The following PRH1 variants were observed in gnomAD, a reference collection of about 807,000 sequenced individuals.
PRH1 encodes the protein proline rich protein HaeIII subfamily 1, also known as salivary acidic proline-rich phosphoprotein 1/2.
A neutral mutation model predicts 7.9 loss-of-function variants in PRH1; 7 were observed. The ratio of observed to expected loss-of-function variants is 0.89; its 90% CI spans 0.50 to 1.67. The LOEUF is 1.67. Among genes scored for constraint, PRH1 ranks in the 40% most tolerant of loss-of-function variants. The probability of loss-of-function intolerance (pLI) is 0.00; values close to 1 mark genes in which losing one functional copy is unlikely to be tolerated. For synonymous variants in PRH1, 45 were observed against 80.8 expected, an observed-to-expected ratio of 0.56 and a Z score of 2.38; for missense variants, 109 against 223.6, an observed-to-expected ratio of 0.49 and a Z score of 3.27.
chr12:11,088,006 T>C (rs1271823491), intron 1 of PRH1, among the ~76,000 whole-genome samples: 1 of 122,308 alleles, frequency 8.2e-6, no homozygotes, highest in African/African-American at 2.8e-5. Flanking sequence ...GTTCTCAGTT[T>C]AATTTACATT....
At chr12:10,963,060 G>A (rs898210601) in intron 2 of PRH1, among the ~76,000 whole-genome samples, 5 of 152,134 alleles carry the variant, frequency 3.3e-5, no homozygotes, top group Admixed American at 1.3e-4. Context: ...GTGAGCCACC[G>A]ACCCCGACCA....
chr12:11,062,550 G>T (rs1943658676), intron 1 of PRH1, among the ~76,000 whole-genome samples: 2 of 152,084 alleles, frequency 1.3e-5, no homozygotes, highest in Non-Finnish European at 2.9e-5. Flanking sequence ...TTCACTGTCT[G>T]TCCTTGTTAT....
chr12:10,931,970 C>T (rs570744298), intron 2 of PRH1, among the ~76,000 whole-genome samples: 7 of 152,316 alleles, frequency 4.6e-5, no homozygotes, highest in Admixed American at 1.3e-4. Flanking sequence ...TAACCCTTAA[C>T]GTATCCAACA....
At chr12:11,111,236 C>T (rs1469961986) in intron 1 of PRH1, among the ~76,000 whole-genome samples, 1 of 152,144 alleles carries the variant, frequency 6.6e-6, no homozygotes, top group Non-Finnish European at 1.5e-5. Context: ...CAATATTAGA[C>T]AGATCAATGA....
At chr12:10,998,453 G>A (rs1374414943) in intron 1 of PRH1, among the ~76,000 whole-genome samples, 1 of 151,994 alleles carries the variant, frequency 6.6e-6, no homozygotes, top group Non-Finnish European at 1.5e-5. Flanking sequence ...GGAAACCACA[G>A]GAAAGCCAAT....
intron 1 of PRH1, among the ~76,000 whole-genome samples, chr12:10,995,182 T>C (rs749831983): frequency 4.9e-4 from 74 of 152,224 alleles, no homozygotes; most frequent in Non-Finnish European, 7.8e-4. Context: ...TAGTTCATAT[T>C]CATTCATTCA....
chr12:10,881,230 G>A (rs1173442909), intron 3 of PRH1, among the ~76,000 whole-genome samples, 174 bp from the exon 4 acceptor site: 3 of 152,130 alleles, frequency 2.0e-5, no homozygotes, highest in Non-Finnish European at 4.4e-5. Flanking sequence ...CACTCTTTAA[G>A]CCATTGCACA....
At chr12:11,105,143 A>G (rs761777611) in intron 1 of PRH1, among the ~76,000 whole-genome samples, 2 of 152,104 alleles carry the variant, frequency 1.3e-5, no homozygotes, top group Non-Finnish European at 2.9e-5. Flanking sequence ...ATTAGTTAAC[A>G]GCATACAGTA....
At chr12:10,917,739 T>C (rs1382287055) in intron 2 of PRH1, among the ~76,000 whole-genome samples, 5 of 152,358 alleles carry the variant, frequency 3.3e-5, no homozygotes, top group African/African-American at 1.2e-4. Context: ...AGGACATTTC[T>C]GAATTCAGTA....
At chr12:11,171,565 G>A (rs1239652076), upstream of PRH1, 4 of 1,231,952 alleles carry the variant, frequency 3.2e-6, no homozygotes, top group Non-Finnish European at 4.0e-6. Context: ...CATATTTAGA[G>A]CCATGACTAA....
chr12:11,038,542 C>A (rs1180532634), intron 1 of PRH1, among the ~76,000 whole-genome samples: 1 of 152,156 alleles, frequency 6.6e-6, no homozygotes, highest in African/African-American at 2.4e-5. Flanking sequence ...CTTCTCATAT[C>A]TGTATTATTA....
intron 2 of PRH1, among the ~76,000 whole-genome samples, chr12:10,945,121 T>C (rs1950466119): frequency 6.6e-6 from 1 of 152,200 alleles, no homozygotes; most frequent in African/African-American, 2.4e-5. Flanking sequence ...TTAGTTTCTG[T>C]AAAAATGGTA....
chr12:11,156,453 A>C (rs1404439820), intron 1 of PRH1, among the ~76,000 whole-genome samples: 1 of 152,144 alleles, frequency 6.6e-6, no homozygotes, highest in Admixed American at 6.5e-5. Flanking sequence ...TCTCTCTTCT[A>C]ATCTTCCAGA....
At chr12:11,157,232 C>A (rs1947279250) in intron 1 of PRH1, among the ~76,000 whole-genome samples, 1 of 152,232 alleles carries the variant, frequency 6.6e-6, no homozygotes, top group Admixed American at 6.5e-5. Context: ...GTTGCTGCAT[C>A]TTCACCACAG....
chr12:10,984,611 T>C (rs1012396381), intron 1 of PRH1, among the ~76,000 whole-genome samples: 2 of 152,084 alleles, frequency 1.3e-5, no homozygotes, highest in Non-Finnish European at 2.9e-5. Context: ...GTGCTTACAT[T>C]GTACCAGGAA....
At chr12:11,035,980 G>A (rs1213392304) in intron 1 of PRH1, among the ~76,000 whole-genome samples, 2 of 152,080 alleles carry the variant, frequency 1.3e-5, no homozygotes, top group Non-Finnish European at 2.9e-5. Flanking sequence ...TGCAAGCTCT[G>A]TCCCCCGGGT....
At chr12:10,938,166 AAGTT>A in intron 2 of PRH1, 1 of 916,038 alleles carries the variant, frequency 1.1e-6, no homozygotes, top group Non-Finnish European at 1.6e-6. Context: ...AAAATTCACA[AAGTT>A]ATACACAATG....
At chr12:11,037,393 T>A (rs1942479106) in intron 1 of PRH1, among the ~76,000 whole-genome samples, 2 of 152,252 alleles carry the variant, frequency 1.3e-5, no homozygotes, top group Admixed American at 6.5e-5. Flanking sequence ...TTCTATGGTA[T>A]TTTTCTCTAA....
intron 2 of PRH1, chr12:10,895,702 C>G (rs1326050042): frequency 1.3e-5 from 2 of 152,160 alleles, no homozygotes; most frequent in African/African-American, 4.8e-5. Context: ...AAATTGTTAT[C>G]TACAGGAAAC....
Sources: allele counts gnomAD v4.1 joint callset (sites outside exome capture counted in the v4.1 genomes callset), GRCh38; gene constraint gnomAD v4.1.1; transcripts MANE v1.5; gene names NCBI Gene and HGNC (gene_info 2026-07-23, HGNC 2026-07-21).